Variants in COL22A1 observed in about 807,000 individuals in gnomAD.
COL22A1 encodes collagen type XXII alpha 1 chain, also known as collagen alpha-1(XXII) chain.
COL22A1 carries 221 observed loss-of-function variants against 248.9 expected under a neutral mutation model. The ratio of observed to expected loss-of-function variants is 0.89; its 90% confidence interval spans 0.80 to 0.99. The LOEUF is 0.99. COL22A1 is among the 50% of genes least tolerant of loss of function. The pLI, the probability that COL22A1 is intolerant of heterozygous loss-of-function variation, is 0.00. For missense variants in COL22A1, 2,240 were observed against 2,179.0 expected (o/e 1.03, Z -0.56); for synonymous variants, 891 against 793.4 (o/e 1.12, Z -2.07).
intron 4 of COL22A1, among the ~76,000 whole-genome samples, chr8:138,842,367 G>A (rs187187307): frequency 6.6e-6 from 1 of 152,284 alleles, no homozygotes; most frequent in East Asian, 1.9e-4. Context: ...ATGGATATGT[G>A]TGTTAGATAA....
At chr8:138,909,838 G>A (rs1815311161) in intron 1 of COL22A1, among the ~76,000 whole-genome samples, 1 of 152,156 alleles carries the variant, frequency 6.6e-6, no homozygotes, top group Admixed American at 6.5e-5. Flanking sequence ...TGTTAGCCCT[G>A]CTTTCAGCCT....
intron 18 of COL22A1, among the ~76,000 whole-genome samples, chr8:138,758,775 C>T (rs894153204): frequency 6.6e-6 from 1 of 152,180 alleles, no homozygotes; most frequent in Non-Finnish European, 1.5e-5. Context: ...CAAAATCATG[C>T]CATGGTCCTT....
chr8:138,729,155 A>G (rs10087596), intron 23 of COL22A1, among the ~76,000 whole-genome samples: 10,043 of 152,180 alleles, frequency 0.066, 537 homozygotes, highest in African/African-American at 0.15. Flanking sequence ...AGGAAAATGA[A>G]CTGATATTAG....
rs539686579 is a variant in COL22A1, at chr8:138,838,417, C to A, written c.734-5267G>T. 1.1e-3 allele frequency among the ~76,000 whole-genome samples: 167 copies of A among 152,188 alleles called. 1 individual carries two copies. Among genetic ancestry groups the A allele is most frequent in the Non-Finnish European group, 1.8e-3 (124 of 68,000 alleles). On this transcript the variant is annotated intron_variant, in intron 4 of 64. Coordinates refer to ENST00000303045, the MANE Select transcript of COL22A1 (RefSeq NM_152888.3). Reference sequence around the variant, plus strand: ...GTGCCTACCCTGGGAAAAGTCAGGGCCGGGAACTGCAAAGTGGGCCGATCC... The same window carrying A: ...GTGCCTACCCTGGGAAAAGTCAGGGACGGGAACTGCAAAGTGGGCCGATCC...
At chr8:138,704,243 A>C (rs1012917006) in intron 30 of COL22A1, among the ~76,000 whole-genome samples, 5 of 152,248 alleles carry the variant, frequency 3.3e-5, no homozygotes, top group African/African-American at 1.2e-4. Flanking sequence ...CTGAAGACTT[A>C]AATGTCCCTG....
intron 5 of COL22A1, among the ~76,000 whole-genome samples, chr8:138,830,148 G>C (rs1169046502): frequency 6.6e-6 from 1 of 152,172 alleles, no homozygotes; most frequent in Non-Finnish European, 1.5e-5. Flanking sequence ...AGGGTAAATG[G>C]TGTGTAATTA....
intron 7 of COL22A1, among the ~76,000 whole-genome samples, chr8:138,819,283 A>G (rs1818911230): frequency 6.6e-6 from 1 of 152,188 alleles, no homozygotes; most frequent in Non-Finnish European, 1.5e-5. Context: ...CATGTATAAC[A>G]AATAAGCAAT....
rs976787740 is a variant in COL22A1, at chr8:138,821,416, G to T, written c.970-5C>A. ...ACCATCCAGCCGGATGGAGACCTGG[G>T]GAGGAAAGGACCAGAGACTCCTTGA... On this transcript the variant is annotated splice_region_variant and splice_polypyrimidine_tract_variant and intron_variant, in intron 6 of 64. Coordinates refer to ENST00000303045, the MANE Select transcript of COL22A1 (RefSeq NM_152888.3). The T allele has an allele frequency of 6.2e-7, 1 of 1,610,686 alleles. No individual in the cohort carries two copies. The highest frequency in any genetic ancestry group is 1.3e-5 in the African/African-American group (1 of 74,856).
Position 138,703,361 on chromosome 8 carries a change from T to C in COL22A1, c.2518-14A>G. 6.2e-7 allele frequency: 1 copy of C among 1,612,420 alleles called. No homozygotes were observed. The highest frequency in any genetic ancestry group is 1.1e-5 in the South Asian group (1 of 91,030). ...ACCAGCTTCACCCTAGATGGAGAAA[T>C]GGAAAATCCATGACCATTAATCTTC... is the stretch of plus-strand genomic sequence containing the variant. On this transcript the variant is annotated splice_polypyrimidine_tract_variant and intron_variant, in intron 30 of 64. Coordinates refer to ENST00000303045, the MANE Select transcript of COL22A1 (RefSeq NM_152888.3).
chr8:138,810,641 T>A (rs1202564154), intron 9 of COL22A1, among the ~76,000 whole-genome samples: 1 of 152,188 alleles, frequency 6.6e-6, no homozygotes, highest in Admixed American at 6.5e-5. Context: ...CAGAGTTCGA[T>A]GTCCGAATTA....
At chr8:138,732,447 A>C (rs1340179531) in intron 23 of COL22A1, among the ~76,000 whole-genome samples, 1 of 152,230 alleles carries the variant, frequency 6.6e-6, no homozygotes, top group East Asian at 1.9e-4. Context: ...GGACTTGGAC[A>C]ATGGACTTCT....
chr8:138,891,359 TAGACAACTTCCCTA>T (rs1399695881), intron 1 of COL22A1, among the ~76,000 whole-genome samples: 3 of 152,162 alleles, frequency 2.0e-5, no homozygotes, highest in African/African-American at 7.2e-5. Context: ...TCAGGGAGGA[TAGACAACTTCCCTA>T]AGCACACACC....
rs1440442280 is a variant in COL22A1 at position 138,664,209 on chromosome 8, G to GCGCGCGCGCA, written c.3151-470_3151-469insTGCGCGCGCG. ...CAACAAGGGGTGCGCGCGCGCGCGC[G>GCGCGCGCGCA]CACACACACACACACACACACACAC... On this transcript the variant is annotated intron_variant, in intron 41 of 64. Coordinates refer to ENST00000303045, the MANE Select transcript of COL22A1 (RefSeq NM_152888.3). 1.5e-3 allele frequency among the ~76,000 whole-genome samples: 151 copies of GCGCGCGCGCA among 103,182 alleles called. 1 individual carries two copies. Among genetic ancestry groups the GCGCGCGCGCA allele is most frequent in the Non-Finnish European group, 1.8e-3 (96 of 52,758 alleles). The allele number at this position is 103,182 out of a possible 152,430, so 67.7% of individuals were successfully genotyped here. A position where few individuals can be genotyped will look rare whatever the true frequency, so the allele number is the denominator to read the frequency against.
At chr8:138,616,184 C>G (rs928750173) in intron 54 of COL22A1, 130 bp from the exon 55 acceptor site, 2 of 768,020 alleles carry the variant, frequency 2.6e-6, no homozygotes, top group East Asian at 5.0e-5. Context: ...ATACGCAGAG[C>G]CCCAGCCCTG....
chr8:138,648,509 T>C (rs1425612303), intron 46 of COL22A1, among the ~76,000 whole-genome samples: 1 of 152,234 alleles, frequency 6.6e-6, no homozygotes, highest in Non-Finnish European at 1.5e-5. Flanking sequence ...GCATTTACTT[T>C]AGAAAACAGA....
At chr8:138,814,352 C>T (rs1818499350) in intron 7 of COL22A1, among the ~76,000 whole-genome samples, 1 of 152,232 alleles carries the variant, frequency 6.6e-6, no homozygotes, top group Admixed American at 6.5e-5. Flanking sequence ...TTCCCCTCCC[C>T]TGGTGTGAAG....
chr8:138,653,491 G>T (rs6985495), intron 45 of COL22A1, among the ~76,000 whole-genome samples: 1 of 152,100 alleles, frequency 6.6e-6, no homozygotes, highest in Admixed American at 6.5e-5. Flanking sequence ...TGCTTAACCT[G>T]TTCATCTGTA....
At chr8:138,682,246 A>C (rs1200532899) in intron 39 of COL22A1, among the ~76,000 whole-genome samples, 1 of 147,244 alleles carries the variant, frequency 6.8e-6, no homozygotes, top group Non-Finnish European at 1.5e-5. Context: ...AGAAGTGTTG[A>C]ATCTTTAAAG....
At chr8:138,628,202 C>A (rs1465226188) in intron 50 of COL22A1, among the ~76,000 whole-genome samples, 1 of 150,622 alleles carries the variant, frequency 6.6e-6, no homozygotes, top group African/African-American at 2.4e-5. Flanking sequence ...AAAAGCCTGC[C>A]AAACAGTTTG....
Sources: allele counts gnomAD v4.1 joint callset (sites outside exome capture counted in the v4.1 genomes callset), GRCh38; gene constraint gnomAD v4.1.1; transcripts MANE v1.5; gene names NCBI Gene and HGNC (gene_info 2026-07-23, HGNC 2026-07-21).